FKBP5: variants seen among roughly 807,000 people sequenced by gnomAD.
The protein encoded by FKBP5 is peptidyl-prolyl cis-trans isomerase FKBP5.
Under a neutral mutation model 50.5 loss-of-function variants are expected in FKBP5, and 23 were observed. The observed-to-expected ratio is 0.46, with a 90% CI of 0.33 to 0.65. The LOEUF is 0.65. FKBP5 is among the 30% of genes least tolerant of loss of function. The pLI, the probability that FKBP5 is intolerant of heterozygous loss-of-function variation, is 0.02. For synonymous variants in FKBP5, 176 were observed against 190.6 expected (o/e 0.92, Z 0.63); for missense variants, 411 against 553.1 (o/e 0.74, Z 2.58).
intron 1 of FKBP5, chr6:35,664,811 C>T (rs1200282867): frequency 6.5e-6 from 1 of 154,116 alleles, no homozygotes. Context: ...CTCCCTCTTT[C>T]CTTCTCCAAT....
chr6:35,576,918 C>A (rs1275572380), intron 10 of FKBP5, 76 bp downstream of exon 10: 3 of 1,538,734 alleles, frequency 1.9e-6, no homozygotes, highest in Admixed American at 1.9e-5. Context: ...GGTTGTTTAG[C>A]TGTTCCTGTC....
intron 7 of FKBP5, among the ~76,000 whole-genome samples, chr6:35,589,128 A>ATTTATATATATATATATATATATATATT (rs1762730788): frequency 8.2e-6 from 1 of 121,562 alleles, no homozygotes; most frequent in African/African-American, 3.2e-5. Flanking sequence ...ATATATATAT[A>ATTTATATATATATATATATATATATATT]TTTTTTTTTT....
At chr6:35,597,096 A>G (rs1187178489) in intron 6 of FKBP5, 152 bp downstream of exon 6, 3 of 801,942 alleles carry the variant, frequency 3.7e-6, no homozygotes, top group East Asian at 2.5e-5. Context: ...TGTAAGGCCC[A>G]TTAATTTACG....
upstream of FKBP5, among the ~76,000 whole-genome samples, chr6:35,690,749 G>A (rs1765971440): frequency 6.6e-6 from 1 of 152,120 alleles, no homozygotes; most frequent in Admixed American, 6.5e-5. Flanking sequence ...GTTCACACCT[G>A]TAATCCTAGC....
chr6:35,640,740 T>C (rs774715154), intron 2 of FKBP5, among the ~76,000 whole-genome samples: 1 of 152,190 alleles, frequency 6.6e-6, no homozygotes, highest in Non-Finnish European at 1.5e-5. Context: ...ATTTTTCTGT[T>C]TTTTAAATTT....
At chr6:35,676,849 C>T (rs1411960067) in intron 1 of FKBP5, among the ~76,000 whole-genome samples, 2 of 152,198 alleles carry the variant, frequency 1.3e-5, no homozygotes, top group African/African-American at 4.8e-5. Flanking sequence ...AAACTACCAC[C>T]CATTTGGAAA....
intron 5 of FKBP5, among the ~76,000 whole-genome samples, chr6:35,601,332 T>C (rs893978201): frequency 6.6e-6 from 1 of 152,198 alleles, no homozygotes; most frequent in Admixed American, 6.5e-5. Context: ...TCATGGTGAA[T>C]ACAGCCCATT....
chr6:35,601,037 C>T (rs1243549114), intron 5 of FKBP5, among the ~76,000 whole-genome samples: 1 of 152,164 alleles, frequency 6.6e-6, no homozygotes, highest in East Asian at 1.9e-4. Flanking sequence ...TTCATTGTAG[C>T]TAGTCTTCTC....
At chr6:35,665,023 G>T (rs1435520431) in intron 1 of FKBP5, among the ~76,000 whole-genome samples, 1 of 151,638 alleles carries the variant, frequency 6.6e-6, no homozygotes, top group Admixed American at 6.6e-5. Flanking sequence ...TCTTACTTTC[G>T]ACTCCATAGC....
intron 1 of FKBP5, among the ~76,000 whole-genome samples, chr6:35,683,950 C>T (rs1045519589): frequency 2.6e-5 from 4 of 152,008 alleles, no homozygotes; most frequent in African/African-American, 9.7e-5. Flanking sequence ...CCCAGCTACT[C>T]AGGAGGCTGA....
At chr6:35,632,719 G>A (rs756816095) in intron 3 of FKBP5, among the ~76,000 whole-genome samples, 2 of 151,654 alleles carry the variant, frequency 1.3e-5, no homozygotes, top group African/African-American at 4.8e-5. Context: ...GTGAAAGTCC[G>A]TCTCTACTAA....
intron 3 of FKBP5, among the ~76,000 whole-genome samples, chr6:35,621,686 G>A (rs761633302): frequency 1.8e-4 from 27 of 151,316 alleles, no homozygotes; most frequent in Non-Finnish European, 3.2e-4. Context: ...TAAGTATCTG[G>A]GGGCTGGGCA....
At chr6:35,605,488 C>A (rs763084862) in intron 5 of FKBP5, among the ~76,000 whole-genome samples, 1 of 148,198 alleles carries the variant, frequency 6.7e-6, no homozygotes, top group Non-Finnish European at 1.5e-5. Flanking sequence ...CTGTATCACC[C>A]AGGCTCAAGT....
At chr6:35,685,649 T>C (rs542075513) in intron 1 of FKBP5, among the ~76,000 whole-genome samples, 1 of 152,290 alleles carries the variant, frequency 6.6e-6, no homozygotes, top group African/African-American at 2.4e-5. Context: ...TTTAGAGGAA[T>C]TCTTCATGCC....
At position 35,586,466 on chromosome 6, in the gene FKBP5, G is replaced by A. The variant is rs72913418; in HGVS notation, c.840+568C>T. 4.7e-3 allele frequency: 4,618 copies of A among 986,972 alleles called. 13 individuals are homozygous for A. Among genetic ancestry groups the A allele is most frequent in the Non-Finnish European group, 5.3e-3 (4,381 of 830,984 alleles). The allele number at this position is 986,972 out of a possible 1,614,324, so 61.1% of individuals were successfully genotyped here. A position where few individuals can be genotyped will look rare whatever the true frequency, so the allele number is the denominator to read the frequency against. ...TCATATGCTCTAGTGACTTCATCAA[G>A]ACAGTCTAAAGGAAGATGGGCCCGG... On this transcript the variant is annotated intron_variant, in intron 8 of 10. Transcript: ENST00000357266.
chr6:35,693,371 G>T (rs1055631198), upstream of FKBP5, among the ~76,000 whole-genome samples: 2 of 151,690 alleles, frequency 1.3e-5, no homozygotes, highest in Non-Finnish European at 1.5e-5. Flanking sequence ...CACCATGTTA[G>T]CCAGGATGGT....
At chr6:35,635,669 T>C (rs1428986879) in intron 3 of FKBP5, among the ~76,000 whole-genome samples, 1 of 152,178 alleles carries the variant, frequency 6.6e-6, no homozygotes, top group East Asian at 1.9e-4. Flanking sequence ...AATTTAATTT[T>C]GTACAAAGTA....
chr6:35,693,389 G>T (rs560878907), upstream of FKBP5, among the ~76,000 whole-genome samples: 3 of 151,128 alleles, frequency 2.0e-5, no homozygotes, highest in East Asian at 2.0e-4. Context: ...GGTCTCAATC[G>T]CCTGACCTCC....
intron 6 of FKBP5, among the ~76,000 whole-genome samples, chr6:35,593,654 A>G (rs1443910797): frequency 1.3e-5 from 2 of 152,158 alleles, no homozygotes; most frequent in Non-Finnish European, 2.9e-5. Context: ...TCCTGGGTTC[A>G]AGCGATTCTC....
Sources: gnomAD v4.1 joint callset for allele counts (sites outside exome capture counted in the v4.1 genomes callset) on GRCh38, gnomAD v4.1.1 for gene constraint, MANE v1.5 for transcripts, NCBI Gene and HGNC (gene_info 2026-07-23, HGNC 2026-07-21) for gene names.